The following ARHGAP22 variants were observed in gnomAD, a reference collection of about 807,000 sequenced individuals.
The protein encoded by ARHGAP22 is Rho GTPase activating protein 22, also known as rho GTPase-activating protein 22.
Under a neutral mutation model 59.1 loss-of-function variants are expected in ARHGAP22, and 48 were observed. That is an observed-to-expected ratio of 0.81 (90% CI 0.64 to 1.03). The LOEUF is 1.03. ARHGAP22 is among the 50% of genes least tolerant of loss of function. The pLI is 0.00. For missense variants in ARHGAP22, 1,015 were observed against 958.7 expected, an observed-to-expected ratio of 1.06 and a Z score of -0.78; for synonymous variants, 445 against 416.4, an observed-to-expected ratio of 1.07 and a Z score of -0.84.
At chr10:48,517,303 T>G (rs1744545409) in intron 3 of ARHGAP22, among the ~76,000 whole-genome samples, 1 of 152,190 alleles carries the variant, frequency 6.6e-6, no homozygotes, top group South Asian at 2.1e-4. Context: ...GATAGGATGT[T>G]TAGAAGAGCC....
chr10:48,521,424 A>G (rs1453677975), intron 3 of ARHGAP22, among the ~76,000 whole-genome samples: 2 of 152,194 alleles, frequency 1.3e-5, no homozygotes, highest in Non-Finnish European at 2.9e-5. Context: ...TGCTCTCTTC[A>G]TGAGATTATA....
chr10:48,637,612 TG>T (rs1455612728), intron 1 of ARHGAP22, among the ~76,000 whole-genome samples: 4 of 151,564 alleles, frequency 2.6e-5, no homozygotes, highest in African/African-American at 7.3e-5. Context: ...GGTGGGTGAA[TG>T]GATGGATGGC....
chr10:48,499,294 C>T (rs370050644), intron 3 of ARHGAP22, among the ~76,000 whole-genome samples: 4 of 152,242 alleles, frequency 2.6e-5, no homozygotes, highest in African/African-American at 9.6e-5. Flanking sequence ...ACAGGCCGCC[C>T]ACATAGCTGC....
chr10:48,573,958 C>T (rs1316672941), intron 2 of ARHGAP22, among the ~76,000 whole-genome samples: 1 of 152,174 alleles, frequency 6.6e-6, no homozygotes, highest in African/African-American at 2.4e-5. Flanking sequence ...ATTGATTGTG[C>T]CTGGCCTTGT....
intron 3 of ARHGAP22, among the ~76,000 whole-genome samples, chr10:48,525,871 T>A (rs953585745): frequency 5.9e-5 from 9 of 152,236 alleles, no homozygotes; most frequent in African/African-American, 2.2e-4. Flanking sequence ...AGACTTTGGC[T>A]TTTTTATAAT....
intron 1 of ARHGAP22, chr10:48,652,120 C>T (rs996505422): frequency 1.3e-5 from 13 of 998,494 alleles, no homozygotes; most frequent in Non-Finnish European, 1.5e-5. Context: ...CCACAGATGC[C>T]GCCTGGTGCT....
At chr10:48,524,565 A>AGGGGCGCCCTCGCTGTGCAAGG (rs1250284187) in intron 3 of ARHGAP22, among the ~76,000 whole-genome samples, 1 of 152,106 alleles carries the variant, frequency 6.6e-6, no homozygotes, top group African/African-American at 2.4e-5. Context: ...AATGGGAAGA[A>AGGGGCGCCCTCGCTGTGCAAGG]GGGGCGCCCT....
intron 3 of ARHGAP22, among the ~76,000 whole-genome samples, chr10:48,520,966 C>T (rs1280374227): frequency 6.6e-6 from 1 of 152,160 alleles, no homozygotes; most frequent in Non-Finnish European, 1.5e-5. Flanking sequence ...GGTAACAATG[C>T]AAAGCTGAAG....
At chr10:48,548,443 C>T (rs2056635780) in intron 3 of ARHGAP22, among the ~76,000 whole-genome samples, 1 of 152,250 alleles carries the variant, frequency 6.6e-6, no homozygotes, top group African/African-American at 2.4e-5. Context: ...AGCACCAACC[C>T]ACTTGGTTCC....
chr10:48,634,970 T>A (rs1403567451), intron 1 of ARHGAP22, among the ~76,000 whole-genome samples: 3 of 152,068 alleles, frequency 2.0e-5, no homozygotes, highest in African/African-American at 7.2e-5. Flanking sequence ...GAAAGAAGCT[T>A]GCTAACACAT....
chr10:48,530,915 T>C (rs1004457246), intron 3 of ARHGAP22, among the ~76,000 whole-genome samples: 1 of 152,228 alleles, frequency 6.6e-6, no homozygotes, highest in African/African-American at 2.4e-5. Context: ...ACAATCCCAC[T>C]ACTGGCTATC....
In ARHGAP22 at chr10:48,450,635, C is replaced by A. The variant is rs78948042; in HGVS notation, c.1494G>T (p.Pro498=). The A allele has an allele frequency of 1.9e-6, 3 of 1,549,530 alleles. No homozygotes were observed. Among genetic ancestry groups the A allele is most frequent in the Middle Eastern group, 1.7e-4 (1 of 6,012 alleles). ...RLSTYDNVPA[P]GLVPGIPSVA... ...CGCTGGGTATGCCGGGGACCAGGCCCGGCGCGGGCACATTGTCGTAGGTGG... is the reference window on the plus strand; with the variant it reads ...CGCTGGGTATGCCGGGGACCAGGCCAGGCGCGGGCACATTGTCGTAGGTGG... The change falls in exon 9 of 10, where the codon CCG becomes CCT. Residue 498 remains proline (P), a synonymous_variant. Coordinates refer to ENST00000249601, the MANE Select transcript of ARHGAP22 (RefSeq NM_021226.4).
At chr10:48,571,593 T>C (rs2058396264) in intron 2 of ARHGAP22, among the ~76,000 whole-genome samples, 1 of 152,220 alleles carries the variant, frequency 6.6e-6, no homozygotes, top group South Asian at 2.1e-4. Context: ...ATTGGGACAG[T>C]GGTGATAGTA....
intron 3 of ARHGAP22, among the ~76,000 whole-genome samples, chr10:48,541,124 C>T (rs114611608): frequency 0.014 from 2,139 of 152,120 alleles, 58 homozygotes; most frequent in African/African-American, 0.049. Context: ...ATGGACCACA[C>T]GTGCATAGGA....
chr10:48,466,612 A>G (rs1425197241), intron 4 of ARHGAP22: 2 of 144,430 alleles, frequency 1.4e-5, no homozygotes, highest in African/African-American at 5.0e-5. Context: ...GGCAAGCGGC[A>G]AGGCGGCCGC....
intron 4 of ARHGAP22, 146 bp downstream of exon 4, chr10:48,479,490 T>C: frequency 3.4e-6 from 5 of 1,467,164 alleles, no homozygotes; most frequent in South Asian, 2.7e-5. Context: ...GGGCTGGCAG[T>C]GGAAGGGCCA....
intron 3 of ARHGAP22, among the ~76,000 whole-genome samples, chr10:48,519,546 T>C (rs946482483): frequency 6.6e-6 from 1 of 152,244 alleles, no homozygotes; most frequent in Admixed American, 6.5e-5. Context: ...GCCCACACTC[T>C]GCTCTTGCTA....
intron 1 of ARHGAP22, among the ~76,000 whole-genome samples, chr10:48,617,918 C>A (rs1424128030): frequency 6.6e-6 from 1 of 151,452 alleles, no homozygotes; most frequent in African/African-American, 2.4e-5. Context: ...AAAAAATAAA[C>A]AAAATGGACA....
chr10:48,490,949 C>T (rs1020921026), intron 3 of ARHGAP22, among the ~76,000 whole-genome samples: 4 of 152,218 alleles, frequency 2.6e-5, no homozygotes, highest in Non-Finnish European at 5.9e-5. Context: ...ATTCTAGTAG[C>T]TTCTCCTTCA....
Sources: allele counts gnomAD v4.1 joint callset (sites outside exome capture counted in the v4.1 genomes callset), GRCh38; gene constraint gnomAD v4.1.1; transcripts MANE v1.5; gene names NCBI Gene and HGNC (gene_info 2026-07-23, HGNC 2026-07-21).